The following TOX2 variants were observed in gnomAD, a reference collection of about 807,000 sequenced individuals.
TOX2 encodes TOX high mobility group box family member 2.
In TOX2, 15 loss-of-function variants were observed where a neutral mutation model predicts 47.4. That is an observed-to-expected ratio of 0.32 (90% confidence interval 0.21 to 0.49). TOX2 has a LOEUF of 0.49. Among genes scored for constraint, TOX2 ranks in the 20% least tolerant of loss-of-function variants. TOX2 has a pLI of 0.99. For synonymous variants in TOX2, 290 were observed against 296.6 expected (o/e 0.98, Z 0.23); for missense variants, 622 against 673.1 (o/e 0.92, Z 0.84).
At chr20:44,054,679 G>A (rs760389856) in intron 5 of TOX2, among the ~76,000 whole-genome samples, 153 bp downstream of exon 5, 11 of 152,184 alleles carry the variant, frequency 7.2e-5, no homozygotes, top group Non-Finnish European at 1.5e-4. Flanking sequence ...TGTAAACTGG[G>A]AAGCTAGCTG....
intron 3 of TOX2, among the ~76,000 whole-genome samples, chr20:44,022,455 G>T (rs563240434): frequency 7.2e-5 from 11 of 152,226 alleles, no homozygotes; most frequent in Non-Finnish European, 1.5e-4. Flanking sequence ...CGTGTGAGCT[G>T]TCTCTTTTTC....
chr20:44,059,654 G>T (rs867522083), intron 5 of TOX2, among the ~76,000 whole-genome samples: 6 of 152,282 alleles, frequency 3.9e-5, no homozygotes, highest in Admixed American at 1.3e-4. Flanking sequence ...CAAGAATTTT[G>T]TATCCAGCAA....
chr20:43,967,511 C>T (rs1226239912), intron 1 of TOX2, among the ~76,000 whole-genome samples: 1 of 152,076 alleles, frequency 6.6e-6, no homozygotes, highest in African/African-American at 2.4e-5. Context: ...CACGCATCCC[C>T]AACACCCATC....
chr20:44,069,294 G>C lies in TOX2; in HGVS notation c.*608G>C, dbSNP rs965652639. 5.6e-6 allele frequency: 1 copy of C among 178,488 alleles called. No individual in the cohort carries two copies. The highest frequency in any genetic ancestry group is 2.4e-5 in the African/African-American group (1 of 41,980). The allele number at this position is 178,488 out of a possible 1,614,324, so 11.1% of individuals were successfully genotyped here. ...CATTTTTAAGTTTTATCTTAAGGGA[G>C]ACGCGCACAAAAGCGGCTGCCAAAC... On this transcript the variant is annotated 3_prime_UTR_variant, in exon 9 of 9. Coordinates refer to ENST00000341197, the MANE Select transcript of TOX2 (RefSeq NM_001098797.2).
At chr20:44,017,684 G>C (rs1444154909) in intron 3 of TOX2, among the ~76,000 whole-genome samples, 3 of 152,318 alleles carry the variant, frequency 2.0e-5, no homozygotes, top group Non-Finnish European at 2.9e-5. Context: ...TATGGAACTG[G>C]CACCTACTTA....
At chr20:43,920,392 T>G (rs148221118) in intron 1 of TOX2, among the ~76,000 whole-genome samples, 2 of 152,302 alleles carry the variant, frequency 1.3e-5, no homozygotes, top group East Asian at 3.9e-4. Context: ...CCGGCATACT[T>G]GGTGGGTGAG....
intron 3 of TOX2, among the ~76,000 whole-genome samples, chr20:44,008,146 T>C (rs1423160900): frequency 6.6e-6 from 1 of 152,092 alleles, no homozygotes; most frequent in Admixed American, 6.6e-5. Context: ...TGGTTCATGC[T>C]TTTTATTGGG....
At chr20:43,963,792 T>G (rs540053552) in intron 1 of TOX2, among the ~76,000 whole-genome samples, 62 of 152,132 alleles carry the variant, frequency 4.1e-4, no homozygotes, top group African/African-American at 1.5e-3. Flanking sequence ...ATAAAGACTT[T>G]AATTTGCAAA....
chr20:43,950,854 T>C (rs1025040177), intron 1 of TOX2, among the ~76,000 whole-genome samples: 3 of 152,110 alleles, frequency 2.0e-5, no homozygotes, highest in Non-Finnish European at 2.9e-5. Flanking sequence ...CACTGCTGTC[T>C]CCCAGGATCC....
chr20:43,917,496 C>A (rs527306550), intron 1 of TOX2, among the ~76,000 whole-genome samples: 1 of 152,306 alleles, frequency 6.6e-6, no homozygotes, highest in Non-Finnish European at 1.5e-5. Context: ...TGTCCGCAGA[C>A]AAGAGGCTCG....
chr20:43,946,363 G>T (rs1252402237), intron 1 of TOX2, among the ~76,000 whole-genome samples: 1 of 152,098 alleles, frequency 6.6e-6, no homozygotes, highest in Non-Finnish European at 1.5e-5. Context: ...GGGTTGGGGG[G>T]TCTGGCTGAT....
intron 1 of TOX2, among the ~76,000 whole-genome samples, chr20:43,943,552 G>A (rs964721588): frequency 2.6e-4 from 39 of 152,142 alleles, no homozygotes; most frequent in Non-Finnish European, 3.2e-4. Flanking sequence ...TGTAAGCTGG[G>A]CTTCCTGTGA....
intron 2 of TOX2, among the ~76,000 whole-genome samples, chr20:43,994,375 C>G (rs995141370): frequency 4.0e-5 from 6 of 151,078 alleles, no homozygotes; most frequent in Non-Finnish European, 7.4e-5. Context: ...GGGAGGATAG[C>G]TTGAGCCCAG....
At chr20:43,929,858 C>T (rs2069229428) in intron 1 of TOX2, among the ~76,000 whole-genome samples, 1 of 152,056 alleles carries the variant, frequency 6.6e-6, no homozygotes. Context: ...TACAGGAACA[C>T]ACCACCATGC....
chr20:44,026,228 G>GAT (rs6147358), intron 3 of TOX2, among the ~76,000 whole-genome samples: 1,542 of 60,098 alleles, frequency 0.026, 310 homozygotes, highest in African/African-American at 0.083. Context: ...AAGAAACTGT[G>GAT]ATATATATAT....
chr20:43,928,873 G>A (rs980592368), intron 1 of TOX2, among the ~76,000 whole-genome samples: 2 of 151,210 alleles, frequency 1.3e-5, no homozygotes, highest in African/African-American at 2.4e-5. Context: ...GGTGGCTCAC[G>A]CCTGTAATCC....
chr20:43,946,340 C>A (rs951540358), intron 1 of TOX2, among the ~76,000 whole-genome samples: 1 of 152,082 alleles, frequency 6.6e-6, no homozygotes. Context: ...CTGCAGTAGG[C>A]CTGGCCAGGT....
At chr20:43,970,916 G>T (rs955522233) in intron 1 of TOX2, among the ~76,000 whole-genome samples, 1 of 152,238 alleles carries the variant, frequency 6.6e-6, no homozygotes, top group Non-Finnish European at 1.5e-5. Context: ...CTCTGAGCAG[G>T]GTCTTGCAGC....
At chr20:43,937,011 G>A (rs549653158) in intron 1 of TOX2, among the ~76,000 whole-genome samples, 1 of 152,162 alleles carries the variant, frequency 6.6e-6, no homozygotes, top group East Asian at 1.9e-4. Context: ...TGGGCATGTG[G>A]CCTCTAGTCT....
Sources: gnomAD v4.1 joint callset for allele counts (sites outside exome capture counted in the v4.1 genomes callset) on GRCh38, gnomAD v4.1.1 for gene constraint, MANE v1.5 for transcripts, NCBI Gene and HGNC (gene_info 2026-07-23, HGNC 2026-07-21) for gene names.